Variants in PPP1R16B observed in about 807,000 individuals in gnomAD.
PPP1R16B encodes protein phosphatase 1 regulatory subunit 16B, also known as protein phosphatase 1 regulatory inhibitor subunit 16B.
Under a neutral mutation model 61.7 loss-of-function variants are expected in PPP1R16B, and 14 were observed. That is an observed-to-expected ratio of 0.23 (90% CI 0.15 to 0.35). The LOEUF (loss-of-function observed/expected upper bound fraction) is 0.35. Ranked by LOEUF, PPP1R16B falls within the 10% of genes least tolerant of loss-of-function variation. The pLI is 1.00. For synonymous variants in PPP1R16B, 266 were observed against 305.3 expected (o/e 0.87, Z 1.34); for missense variants, 547 against 752.5 (o/e 0.73, Z 3.19).
chr20:38,856,077 G>T (rs1288639370), intron 2 of PPP1R16B, among the ~76,000 whole-genome samples: 1 of 150,036 alleles, frequency 6.7e-6, no homozygotes, highest in African/African-American at 2.5e-5. Context: ...GATAACTCCA[G>T]ATATGATAAC....
intron 1 of PPP1R16B, among the ~76,000 whole-genome samples, chr20:38,811,161 CA>C (rs11310073): frequency 0.74 from 112,478 of 151,956 alleles, 41,791 homozygotes; most frequent in African/African-American, 0.79. Context: ...ATTGATGTGG[CA>C]AGATGGTGGC....
chr20:38,855,974 A>AAGGAGGAGGAGGAGGAGGAGGAG (rs1333467827), intron 2 of PPP1R16B, among the ~76,000 whole-genome samples: 1 of 120,652 alleles, frequency 8.3e-6, no homozygotes, highest in African/African-American at 3.2e-5. Flanking sequence ...AGAGAGAGAG[A>AAGGAGGAGGAGGAGGAGGAGGAG]GAGAGAGAAG....
chr20:38,896,885 G>A (rs918426716), intron 4 of PPP1R16B, among the ~76,000 whole-genome samples: 1 of 152,170 alleles, frequency 6.6e-6, no homozygotes, highest in Non-Finnish European at 1.5e-5. Flanking sequence ...GGTAGCTCAC[G>A]CCTGTAATCT....
chr20:38,879,048 A>G (rs539935804), intron 2 of PPP1R16B, among the ~76,000 whole-genome samples: 1 of 152,296 alleles, frequency 6.6e-6, no homozygotes, highest in Middle Eastern at 3.4e-3. Flanking sequence ...GCGGAGCGGA[A>G]GGGAGATCAG....
chr20:38,906,989 C>T lies in PPP1R16B; in HGVS notation c.833C>T (p.Ala278Val). The change falls in exon 8 of 11, where the codon GCA becomes GTA. Residue 278 changes from alanine to valine, a missense_variant. Transcript: ENST00000299824. ...CTTCCTGTGTTTCAGATGCAGATGG[C>T]AGAGCTATTGGTGTCCCATGGAGCT... is the stretch of plus-strand genomic sequence containing the variant. ...AAAFWGQMQM[A>V]ELLVSHGASL... 1 of 1,613,810 alleles carries T rather than the reference C, an allele frequency of 6.2e-7. No individual in the cohort carries two copies. Among genetic ancestry groups the T allele is most frequent in the Non-Finnish European group, 8.5e-7 (1 of 1,179,730 alleles).
chr20:38,861,673 CTTTTTTTTTTT>C (rs869187206), intron 2 of PPP1R16B, among the ~76,000 whole-genome samples: 6 of 125,632 alleles, frequency 4.8e-5, no homozygotes, highest in South Asian at 2.5e-4. Context: ...TGCAGTTCTT[CTTTTTTTTTTT>C]TTTTTTTTTT....
At chr20:38,814,545 G>A (rs2084722941) in intron 1 of PPP1R16B, among the ~76,000 whole-genome samples, 1 of 152,130 alleles carries the variant, frequency 6.6e-6, no homozygotes, top group African/African-American at 2.4e-5. Flanking sequence ...TTGGCAGGTA[G>A]GAGGTACCTG....
At chr20:38,821,744 T>C (rs2084774626) in intron 1 of PPP1R16B, among the ~76,000 whole-genome samples, 1 of 152,172 alleles carries the variant, frequency 6.6e-6, no homozygotes, top group South Asian at 2.1e-4. Flanking sequence ...TTCCTATCTG[T>C]TCTTTTATTA....
At chr20:38,854,728 G>A (rs1670510945) in intron 2 of PPP1R16B, among the ~76,000 whole-genome samples, 1 of 152,172 alleles carries the variant, frequency 6.6e-6, no homozygotes, top group Non-Finnish European at 1.5e-5. Flanking sequence ...GAAGGGAGGG[G>A]AGTGGGTCAC....
chr20:38,894,075 C>T (rs1030976303), intron 3 of PPP1R16B, among the ~76,000 whole-genome samples: 8 of 152,208 alleles, frequency 5.3e-5, no homozygotes, highest in African/African-American at 1.9e-4. Context: ...CCCTGCCTGT[C>T]CGGAGAGAAT....
At chr20:38,869,296 T>G (rs908600883) in intron 2 of PPP1R16B, among the ~76,000 whole-genome samples, 1 of 152,064 alleles carries the variant, frequency 6.6e-6, no homozygotes, top group Non-Finnish European at 1.5e-5. Flanking sequence ...GTAGCTGGAA[T>G]TACAGGCGTG....
At chr20:38,886,509 T>C (rs754845487) in intron 2 of PPP1R16B, among the ~76,000 whole-genome samples, 7 of 152,146 alleles carry the variant, frequency 4.6e-5, no homozygotes, top group Non-Finnish European at 7.4e-5. Flanking sequence ...CAGAAACCCA[T>C]CCTAGTCAGG....
At chr20:38,868,948 ACATTTCAAAT>A (rs2085107880) in intron 2 of PPP1R16B, among the ~76,000 whole-genome samples, 7 of 152,168 alleles carry the variant, frequency 4.6e-5, no homozygotes, top group Admixed American at 4.6e-4. Flanking sequence ...TGTTAACAAA[ACATTTCAAAT>A]CACATATGTG....
intron 10 of PPP1R16B, among the ~76,000 whole-genome samples, chr20:38,915,690 A>G (rs1370385660): frequency 1.3e-5 from 2 of 152,098 alleles, no homozygotes; most frequent in African/African-American, 4.8e-5. Context: ...AGGTTTCACC[A>G]TGTTGGCCAG....
At position 38,869,768 on chromosome 20, in the gene PPP1R16B, A is replaced by G. The variant is rs74660321; in HGVS notation, c.251-19827A>G. On this transcript the variant is annotated intron_variant, in intron 2 of 10. Coordinates refer to ENST00000299824, the MANE Select transcript of PPP1R16B (RefSeq NM_015568.4). ...GGCCTGGAAAGTCATGTCCTGGCCT[A>G]TGGAATATATTAAAGGGGAAGATAG... Among the ~76,000 whole-genome samples, 634 of 152,098 alleles carry G rather than the reference A, an allele frequency of 4.2e-3. 7 individuals carry two copies. Among genetic ancestry groups the G allele is most frequent in the African/African-American group, 0.015 (613 of 41,460 alleles).
intron 6 of PPP1R16B, among the ~76,000 whole-genome samples, chr20:38,904,957 A>G (rs2085427157): frequency 6.6e-6 from 1 of 152,144 alleles, no homozygotes; most frequent in African/African-American, 2.4e-5. Flanking sequence ...AAGAATGTGA[A>G]TCCCTTACTG....
intron 10 of PPP1R16B, among the ~76,000 whole-genome samples, chr20:38,909,230 C>A (rs2085470065): frequency 1.3e-5 from 2 of 152,058 alleles, no homozygotes; most frequent in Non-Finnish European, 2.9e-5. Flanking sequence ...TCAAACTTAG[C>A]CTCAAGCAAT....
chr20:38,826,977 T>G (rs1211730448), intron 1 of PPP1R16B, among the ~76,000 whole-genome samples: 1 of 152,120 alleles, frequency 6.6e-6, no homozygotes, highest in East Asian at 1.9e-4. Context: ...AGAGACAGGG[T>G]CTTGTCCTGT....
chr20:38,918,345 C>T lies in PPP1R16B; in HGVS notation c.1383C>T (p.Gly461=), dbSNP rs139053611. ...PDYSMAYGNP[G]VADATPPWSS... ...ACAGCATGGCCTATGGCAACCCTGGCGTGGCCGACGCCACCCCGCCCTGGA... is the reference window on the plus strand; with the variant it reads ...ACAGCATGGCCTATGGCAACCCTGGTGTGGCCGACGCCACCCCGCCCTGGA... The change falls in exon 11 of 11, where the codon GGC becomes GGT. Residue 461 remains glycine, a synonymous_variant. Transcript: ENST00000299824. The surrounding 1 kb of genome is among the most constrained non-coding windows in gnomAD (Gnocchi z 5.3). 23 of 1,614,056 alleles carry T rather than the reference C, an allele frequency of 1.4e-5. No homozygotes were observed. The highest frequency in any genetic ancestry group is 1.3e-4 in the Admixed American group (8 of 60,010).
Sources: gnomAD v4.1 joint callset for allele counts (sites outside exome capture counted in the v4.1 genomes callset) on GRCh38, gnomAD v4.1.1 for gene constraint, Gnocchi (gnomAD v3.1) non-coding constraint, MANE v1.5 for transcripts, NCBI Gene and HGNC (gene_info 2026-07-23, HGNC 2026-07-21) for gene names.